SH3GL2: variants seen among roughly 807,000 people sequenced by gnomAD.
SH3GL2 encodes endophilin-A1.
A neutral mutation model predicts 46.0 loss-of-function variants in SH3GL2; 24 were observed. That is an observed-to-expected ratio of 0.52 (90% CI 0.38 to 0.73). The LOEUF (loss-of-function observed/expected upper bound fraction) is 0.73, where lower values mean the gene tolerates loss of function less well. SH3GL2 is among the 30% of genes least tolerant of loss of function. The probability of loss-of-function intolerance (pLI) is 0.00; values close to 1 mark genes in which losing one functional copy is unlikely to be tolerated. For missense variants in SH3GL2, 413 were observed against 424.2 expected (o/e 0.97, Z 0.23); for synonymous variants, 196 against 147.1 (o/e 1.33, Z -2.40).
chr9:17,628,975 A>T (rs981942793), intron 1 of SH3GL2, among the ~76,000 whole-genome samples: 2 of 147,510 alleles, frequency 1.4e-5, no homozygotes, highest in African/African-American at 5.2e-5. Flanking sequence ...AGAAAATTAA[A>T]TTACCTTTTT....
chr9:17,685,598 T>G (rs1336907119), intron 1 of SH3GL2, among the ~76,000 whole-genome samples: 6 of 152,098 alleles, frequency 3.9e-5, no homozygotes, highest in Non-Finnish European at 1.5e-5. Context: ...GTTTAAGTCT[T>G]TAATCCATCT....
chr9:17,716,986 A>G (rs1821777253), intron 1 of SH3GL2, among the ~76,000 whole-genome samples: 1 of 152,020 alleles, frequency 6.6e-6, no homozygotes, highest in South Asian at 2.1e-4. Flanking sequence ...AGGAGGTTAA[A>G]CCTAGTCCCT....
intron 3 of SH3GL2, among the ~76,000 whole-genome samples, chr9:17,785,168 C>G (rs1034281285): frequency 3.3e-5 from 5 of 152,302 alleles, no homozygotes; most frequent in African/African-American, 9.6e-5. Context: ...AAAGATACTT[C>G]CCTCCAGGAA....
Position 17,620,665 on chromosome 9 carries a change from A to G in SH3GL2, c.45+41378A>G, listed in dbSNP as rs1342842451. Among the ~76,000 whole-genome samples, 3 of 152,262 alleles carry G rather than the reference A, an allele frequency of 2.0e-5. No homozygotes were observed. The East Asian group carries it at 5.8e-4, about 30-fold the overall frequency. On this transcript the variant is annotated intron_variant, in intron 1 of 8. Coordinates refer to ENST00000380607, the MANE Select transcript of SH3GL2 (RefSeq NM_003026.5). Reference sequence around the variant, plus strand: ...GCAGTCCAGCAATGGGATTGGAGAGAAATGGAGGCATCAGAAAGATTTTTC... The same window carrying G: ...GCAGTCCAGCAATGGGATTGGAGAGGAATGGAGGCATCAGAAAGATTTTTC...
rs189944698 is a variant in SH3GL2, at chr9:17,587,425, T to G, written c.45+8138T>G. The stretch of plus-strand genomic sequence containing the variant: ...AACTCTTGTTCTTTCTTATATATAT[T>G]TGGCCAGGTCTAAGGAGGGTTAGAG... On this transcript the variant is annotated intron_variant, in intron 1 of 8. Coordinates refer to ENST00000380607, the MANE Select transcript of SH3GL2 (RefSeq NM_003026.5). Among the ~76,000 whole-genome samples the G allele has an allele frequency of 9.4e-3, 1,430 of 152,250 alleles. 13 individuals are homozygous for G. The highest frequency in any genetic ancestry group is 0.014 in the Non-Finnish European group (933 of 68,004).
chr9:17,679,768 T>G (rs533316246), intron 1 of SH3GL2, among the ~76,000 whole-genome samples: 1 of 152,342 alleles, frequency 6.6e-6, no homozygotes, highest in South Asian at 2.1e-4. Flanking sequence ...TGTGGGTTTG[T>G]GATAAATAGC....
chr9:17,713,444 G>A (rs565684510), intron 1 of SH3GL2, among the ~76,000 whole-genome samples: 144 of 150,670 alleles, frequency 9.6e-4, no homozygotes, highest in Non-Finnish European at 1.7e-3. Context: ...TCTTCTGCTT[G>A]CTTTGGTTTA....
At chr9:17,791,722 T>G (rs1019160502) in intron 7 of SH3GL2, among the ~76,000 whole-genome samples, 4 of 152,208 alleles carry the variant, frequency 2.6e-5, no homozygotes, top group African/African-American at 9.6e-5. Flanking sequence ...ATGAGTAAAC[T>G]GAGGCTAAGA....
intron 1 of SH3GL2, among the ~76,000 whole-genome samples, chr9:17,719,462 G>A (rs1563825804): frequency 6.6e-6 from 1 of 152,108 alleles, no homozygotes; most frequent in Non-Finnish European, 1.5e-5. Context: ...AGCTATTGGA[G>A]TCAGGTACAT....
At chr9:17,656,795 G>C (rs932505603) in intron 1 of SH3GL2, among the ~76,000 whole-genome samples, 1 of 108,654 alleles carries the variant, frequency 9.2e-6, no homozygotes, top group South Asian at 3.6e-4. Context: ...AAACAAAAAA[G>C]GCTTTTCTAT....
At chr9:17,708,156 T>C (rs1821522984) in intron 1 of SH3GL2, among the ~76,000 whole-genome samples, 1 of 152,022 alleles carries the variant, frequency 6.6e-6, no homozygotes, top group Non-Finnish European at 1.5e-5. Context: ...TCCCAAGGTC[T>C]TGGCTTCTTT....
At chr9:17,726,524 G>A (rs1252099124) in intron 1 of SH3GL2, among the ~76,000 whole-genome samples, 4 of 152,110 alleles carry the variant, frequency 2.6e-5, no homozygotes, top group African/African-American at 9.7e-5. Flanking sequence ...TGCTGACCCA[G>A]CATAATCATA....
chr9:17,700,643 G>A (rs1821323260), intron 1 of SH3GL2, among the ~76,000 whole-genome samples: 1 of 151,954 alleles, frequency 6.6e-6, no homozygotes, highest in Non-Finnish European at 1.5e-5. Context: ...TTATTCTTTA[G>A]AAATGTTTCT....
intron 1 of SH3GL2, among the ~76,000 whole-genome samples, chr9:17,679,329 C>G (rs1820702541): frequency 6.6e-6 from 1 of 152,104 alleles, no homozygotes; most frequent in South Asian, 2.1e-4. Context: ...TTGTAGTTCT[C>G]CTTGAAGAGG....
intron 2 of SH3GL2, among the ~76,000 whole-genome samples, chr9:17,750,324 A>G (rs943264529): frequency 4.6e-5 from 7 of 151,982 alleles, no homozygotes; most frequent in Admixed American, 3.9e-4. Flanking sequence ...GTGCAATTAG[A>G]TAACAAAATG....
At chr9:17,708,381 A>T (rs1355535302) in intron 1 of SH3GL2, among the ~76,000 whole-genome samples, 2 of 151,956 alleles carry the variant, frequency 1.3e-5, no homozygotes, top group Non-Finnish European at 2.9e-5. Context: ...GCATTCTTTC[A>T]TGTCAGATGT....
intron 1 of SH3GL2, among the ~76,000 whole-genome samples, chr9:17,648,816 A>G (rs1819887667): frequency 6.6e-6 from 1 of 152,188 alleles, no homozygotes; most frequent in Admixed American, 6.5e-5. Flanking sequence ...AAAATGATGA[A>G]AACAACTTCT....
rs75467439 is a variant in SH3GL2 at position 17,628,373 on chromosome 9, A to G, written c.45+49086A>G. Among the ~76,000 whole-genome samples the G allele has an allele frequency of 6.4e-3, 975 of 151,996 alleles. 14 individuals carry two copies. The highest frequency in any genetic ancestry group is 0.022 in the African/African-American group (919 of 41,402). On this transcript the variant is annotated intron_variant, in intron 1 of 8. Transcript: ENST00000380607. The stretch of plus-strand genomic sequence containing the variant: ...AATGCAGTGCCAAGCTTAAAAATGC[A>G]TCTCTAGTTCTGGGGATGCCCAGAT...
chr9:17,609,332 A>G (rs1051966095), intron 1 of SH3GL2, among the ~76,000 whole-genome samples: 2 of 152,082 alleles, frequency 1.3e-5, no homozygotes, highest in Non-Finnish European at 2.9e-5. Context: ...AGGAAAGAGC[A>G]AAGATGCTCT....
Sources: gnomAD v4.1 joint callset for allele counts (sites outside exome capture counted in the v4.1 genomes callset) on GRCh38, gnomAD v4.1.1 for gene constraint, MANE v1.5 for transcripts, NCBI Gene and HGNC (gene_info 2026-07-23, HGNC 2026-07-21) for gene names.